ANKRD31: variants seen among roughly 807,000 people sequenced by gnomAD.
The protein encoded by ANKRD31 is ankyrin repeat domain 31.
In ANKRD31, 147 loss-of-function variants were observed where a neutral mutation model predicts 186.0. The observed-to-expected ratio is 0.79, with a 90% CI of 0.69 to 0.91. ANKRD31 has a LOEUF of 0.91. Ranked by LOEUF, ANKRD31 falls within the 40% of genes least tolerant of loss-of-function variation. ANKRD31 has a pLI of 0.00. For missense variants in ANKRD31, 1,986 were observed against 2,148.8 expected, an observed-to-expected ratio of 0.92 and a Z score of 1.50; for synonymous variants, 673 against 736.4, an observed-to-expected ratio of 0.91 and a Z score of 1.39.
intron 16 of ANKRD31, 146 bp from the exon 17 acceptor site, chr5:75,138,144 A>G: frequency 1.4e-6 from 1 of 725,874 alleles, no homozygotes; most frequent in Non-Finnish European, 1.9e-6. Flanking sequence ...GAAATAATAC[A>G]AAAAACTATG....
intron 10 of ANKRD31, among the ~76,000 whole-genome samples, chr5:75,174,146 T>C (rs1008271137): frequency 6.6e-6 from 1 of 152,192 alleles, no homozygotes; most frequent in African/African-American, 2.4e-5. Flanking sequence ...CCCTATTTAG[T>C]AAATGGTGCT....
At chr5:75,152,110 G>C (rs1487850381) in intron 12 of ANKRD31, among the ~76,000 whole-genome samples, 3 of 152,026 alleles carry the variant, frequency 2.0e-5, no homozygotes, top group African/African-American at 4.8e-5. Context: ...ATTGGTTCCT[G>C]CTGCCTAGAT....
intron 5 of ANKRD31, among the ~76,000 whole-genome samples, chr5:75,203,673 A>AAAAAG (rs1554092025): frequency 1.1e-3 from 164 of 148,316 alleles, no homozygotes; most frequent in Non-Finnish European, 1.6e-3. Flanking sequence ...AAAAAAAAAA[A>AAAAAG]AAAAGAAAAG....
intron 10 of ANKRD31, among the ~76,000 whole-genome samples, chr5:75,171,491 C>A (rs1379092547): frequency 2.0e-5 from 3 of 151,684 alleles, no homozygotes; most frequent in African/African-American, 7.3e-5. Flanking sequence ...TAAATTAAAG[C>A]TTTAAATGCT....
chr5:75,136,005 C>G (rs1421734023), intron 17 of ANKRD31, among the ~76,000 whole-genome samples: 1 of 152,094 alleles, frequency 6.6e-6, no homozygotes, highest in Non-Finnish European at 1.5e-5. Flanking sequence ...ACACCTTATA[C>G]AAAAATTAAT....
chr5:75,190,607 A>ATG lies in ANKRD31; in HGVS notation c.1409-1961_1409-1960dup, dbSNP rs57136126. Among the ~76,000 whole-genome samples the ATG allele has an allele frequency of 6.7e-3, 986 of 147,810 alleles. 3 individuals carry two copies. Among genetic ancestry groups the ATG allele is most frequent in the Non-Finnish European group, 0.01 (704 of 67,098 alleles). On this transcript the variant is annotated intron_variant, in intron 9 of 25. Transcript: ENST00000506364. ...TAAGACTGGATTGAGGTGCTTATATATGTGTGTGTGTGTGTGTGTATTTTT... is the reference window on the plus strand; with the variant it reads ...TAAGACTGGATTGAGGTGCTTATATATGTGTGTGTGTGTGTGTGTGTATTTTT...
intron 22 of ANKRD31, among the ~76,000 whole-genome samples, chr5:75,101,747 T>C (rs1260215970): frequency 6.6e-6 from 1 of 152,218 alleles, no homozygotes; most frequent in African/African-American, 2.4e-5. Context: ...ATGCGTCACG[T>C]AGTTCTCGTG....
chr5:75,101,059 G>C (rs1407382736), intron 22 of ANKRD31, among the ~76,000 whole-genome samples: 1 of 152,156 alleles, frequency 6.6e-6, no homozygotes, highest in Non-Finnish European at 1.5e-5. Context: ...GCAGTGGCTG[G>C]TACCAGCTGT....
chr5:75,080,738 T>C (rs1186698349), intron 24 of ANKRD31, 99 bp from the exon 25 acceptor site: 8 of 625,548 alleles, frequency 1.3e-5, no homozygotes, highest in Non-Finnish European at 1.8e-5. Flanking sequence ...GAAATACAAA[T>C]AGCTCTTCCT....
chr5:75,091,636 A>T (rs1745932442), intron 22 of ANKRD31, among the ~76,000 whole-genome samples: 1 of 152,178 alleles, frequency 6.6e-6, no homozygotes, highest in African/African-American at 2.4e-5. Flanking sequence ...ATGGTATTTG[A>T]ACCAAGACTG....
Position 75,146,086 on chromosome 5 carries a change from G to T in ANKRD31, c.3325C>A (p.His1109Asn). 2.0e-6 allele frequency: 3 copies of T among 1,535,310 alleles called. No homozygotes were observed. Among genetic ancestry groups the T allele is most frequent in the Non-Finnish European group, 2.6e-6 (3 of 1,145,748 alleles). ...TCAGTGGAATGAGAATCTATATTGTGTATAGTCTCACTTTCTAGATGGTTT... is the reference window on the plus strand; with the variant it reads ...TCAGTGGAATGAGAATCTATATTGTTTATAGTCTCACTTTCTAGATGGTTT... ...RQNHLESETIHNIDSHSTDNM... is the reference protein window; with the variant it reads ...RQNHLESETINNIDSHSTDNM... Residue 1109 changes from histidine (H) to asparagine (N), a missense_variant, in exon 14 of 26, where the codon CAC (histidine) becomes AAC (asparagine). Coordinates refer to ENST00000506364, the MANE Select transcript of ANKRD31 (RefSeq NM_001372053.1).
At position 75,147,139 on chromosome 5, in the gene ANKRD31, T is replaced by C. The variant is rs6893216; in HGVS notation, c.2272A>G (p.Arg758Gly). ...RKILAVSPSRRINRLVTYQQH... is the reference protein window; with the variant it reads ...RKILAVSPSRGINRLVTYQQH... ...TGATAGGTAACCAATCTGTTTATTC[T>C]CCTGGAAGGAGAGACAGCTAGTATC... Residue 758 changes from arginine (R) to glycine (G), a missense_variant, in exon 14 of 26, where the codon AGA becomes GGA. Physicochemically the swap from Arg to Gly is moderately radical, Grantham distance 125. Coordinates refer to ENST00000506364, the MANE Select transcript of ANKRD31 (RefSeq NM_001372053.1). 0.12 allele frequency: 190,066 copies of C among 1,536,008 alleles called. 12,643 individuals are homozygous for C. The highest frequency in any genetic ancestry group is 0.24 in the African/African-American group (17,250 of 73,030).
chr5:75,108,806 AT>A (rs1375720255), intron 20 of ANKRD31, among the ~76,000 whole-genome samples: 34 of 152,166 alleles, frequency 2.2e-4, no homozygotes, highest in Non-Finnish European at 2.8e-4. Context: ...GAATTTAGAC[AT>A]AATTTTGTTC....
At chr5:75,231,053 T>A (rs1231358689) in intron 1 of ANKRD31, among the ~76,000 whole-genome samples, 1 of 152,094 alleles carries the variant, frequency 6.6e-6, no homozygotes, top group African/African-American at 2.4e-5. Context: ...TATATTTTCA[T>A]AGTATGCACT....
intron 11 of ANKRD31, among the ~76,000 whole-genome samples, 156 bp downstream of exon 11, chr5:75,168,823 C>A (rs1753111917): frequency 6.6e-6 from 1 of 152,100 alleles, no homozygotes; most frequent in Non-Finnish European, 1.5e-5. Flanking sequence ...CACAACAAAC[C>A]CATCACACAG....
intron 11 of ANKRD31, among the ~76,000 whole-genome samples, chr5:75,156,105 T>G (rs1298635981): frequency 3.3e-5 from 5 of 152,016 alleles, no homozygotes; most frequent in African/African-American, 1.2e-4. Context: ...GGGTTTCGCC[T>G]TGTTGGCCAG....
chr5:75,139,186 T>C (rs1261247915), intron 15 of ANKRD31, among the ~76,000 whole-genome samples: 1 of 152,226 alleles, frequency 6.6e-6, no homozygotes, highest in African/African-American at 2.4e-5. Flanking sequence ...GTATTCATTC[T>C]AGCAGTTGAT....
intron 17 of ANKRD31, among the ~76,000 whole-genome samples, chr5:75,126,454 T>C (rs1454477704): frequency 6.6e-6 from 1 of 152,074 alleles, no homozygotes; most frequent in East Asian, 1.9e-4. Context: ...AAAAAAAGTT[T>C]GTTCCTTTTA....
chr5:75,117,129 A>G (rs1259413917), intron 18 of ANKRD31, among the ~76,000 whole-genome samples: 1 of 152,128 alleles, frequency 6.6e-6, no homozygotes, highest in Non-Finnish European at 1.5e-5. Flanking sequence ...CTTTCTCTAT[A>G]TTATCATTGT....
Sources: allele counts gnomAD v4.1 joint callset (sites outside exome capture counted in the v4.1 genomes callset), GRCh38; gene constraint gnomAD v4.1.1; transcripts MANE v1.5; gene names NCBI Gene and HGNC (gene_info 2026-07-23, HGNC 2026-07-21).